The following CFAP206 variants were observed in gnomAD, a reference collection of about 807,000 sequenced individuals.
CFAP206 encodes the protein cilia and flagella associated protein 206.
CFAP206 carries 53 observed loss-of-function variants against 65.4 expected under a neutral mutation model. That is an observed-to-expected ratio of 0.81 (90% CI 0.65 to 1.02). CFAP206 has a LOEUF of 1.02. Among genes scored for constraint, CFAP206 ranks in the 50% least tolerant of loss-of-function variants. The pLI is 0.00. For missense variants in CFAP206, 663 were observed against 753.2 expected (o/e 0.88, Z 1.40); for synonymous variants, 250 against 254.4 (o/e 0.98, Z 0.17).
intron 7 of CFAP206, among the ~76,000 whole-genome samples, chr6:87,420,331 G>A (rs1420763835): frequency 6.6e-6 from 1 of 152,214 alleles, no homozygotes; most frequent in Non-Finnish European, 1.5e-5. Context: ...TAAGGATGTT[G>A]CAGAAGATGT....
At chr6:87,445,508 C>A (rs1768427654) in intron 11 of CFAP206, among the ~76,000 whole-genome samples, 2 of 152,082 alleles carry the variant, frequency 1.3e-5, no homozygotes, top group South Asian at 4.1e-4. Flanking sequence ...CTTCCAGCCC[C>A]ATCCATGTCC....
At chr6:87,449,778 T>C (rs931779069) in intron 11 of CFAP206, among the ~76,000 whole-genome samples, 2 of 152,224 alleles carry the variant, frequency 1.3e-5, no homozygotes, top group African/African-American at 4.8e-5. Context: ...GTAGGTTGTC[T>C]CTTTTCTCTG....
At chr6:87,409,687 A>G (rs911028065) in intron 1 of CFAP206, 148 bp from the exon 2 acceptor site, 5 of 506,058 alleles carry the variant, frequency 9.9e-6, no homozygotes, top group African/African-American at 2.0e-5. Context: ...GAAAAACAGG[A>G]GAGGCCTAGA....
At chr6:87,445,179 T>A (rs902896392) in intron 11 of CFAP206, 5 of 278,638 alleles carry the variant, frequency 1.8e-5, no homozygotes, top group Non-Finnish European at 3.5e-5. Context: ...CCCTTTCTTT[T>A]TTATTTTTAA....
chr6:87,419,600 C>G (rs185175114), intron 7 of CFAP206, among the ~76,000 whole-genome samples: 2 of 152,148 alleles, frequency 1.3e-5, no homozygotes, highest in African/African-American at 2.4e-5. Flanking sequence ...ATGAGATTCT[C>G]GGTTAGTGGA....
chr6:87,408,258 C>T (rs1236626281), intron 1 of CFAP206, among the ~76,000 whole-genome samples, 169 bp downstream of exon 1: 2 of 152,246 alleles, frequency 1.3e-5, no homozygotes, highest in Admixed American at 6.5e-5. Flanking sequence ...GCTGGAACAG[C>T]GGTCCATTCC....
rs188851046 is a variant in CFAP206 at position 87,427,560 on chromosome 6, T to C, written c.960+915T>C. Among the ~76,000 whole-genome samples the C allele has an allele frequency of 8.5e-5, 13 of 152,354 alleles. No individual in the cohort carries two copies. In the East Asian group the frequency reaches 2.1e-3, roughly 25 times the overall value. ...TGTTTAACTTAGATGTGGGGCCTTA[T>C]TGATTTTTTCATTTGTTCTATAAGT... On this transcript the variant is annotated intron_variant, in intron 8 of 12. Coordinates refer to ENST00000369562, the MANE Select transcript of CFAP206 (RefSeq NM_001031743.3).
intron 11 of CFAP206, among the ~76,000 whole-genome samples, chr6:87,459,509 T>G (rs1428573796): frequency 6.6e-6 from 1 of 152,124 alleles, no homozygotes; most frequent in Non-Finnish European, 1.5e-5. Flanking sequence ...GTGTTAAGAG[T>G]AATCTATTCA....
chr6:87,411,079 T>C (rs1767727806), intron 3 of CFAP206, among the ~76,000 whole-genome samples: 1 of 152,226 alleles, frequency 6.6e-6, no homozygotes, highest in Non-Finnish European at 1.5e-5. Flanking sequence ...CTTTTTTCTT[T>C]CTTAGATGAA....
chr6:87,436,583 G>GA (rs1403361308), intron 11 of CFAP206: 2 of 152,972 alleles, frequency 1.3e-5, no homozygotes, highest in Admixed American at 6.5e-5. Flanking sequence ...AGGGTGGGGG[G>GA]AAGTATGGTA....
intron 3 of CFAP206, among the ~76,000 whole-genome samples, chr6:87,411,230 G>A (rs147633389): frequency 2.0e-3 from 294 of 146,588 alleles, no homozygotes; most frequent in African/African-American, 7.6e-3. Flanking sequence ...TAACTAGTTC[G>A]TCATATACTG....
In CFAP206 at chr6:87,426,627, C is replaced by A; in HGVS notation, c.942C>A (p.Val314=). The A allele has an allele frequency of 6.3e-7, 1 of 1,587,390 alleles. No individual in the cohort carries two copies. The highest frequency in any genetic ancestry group is 1.2e-5 in the South Asian group (1 of 85,066). ...LKMTIKSKIA[V]PTSQVFPIFI... ...TGACCATAAAATCAAAGATAGCGGT[C>A]CCAACATCACAAGTCTTTGTAAGTA... The change falls in exon 8 of 13, where the codon GTC becomes GTA. Residue 314 remains valine, a synonymous_variant. Coordinates refer to ENST00000369562, the MANE Select transcript of CFAP206 (RefSeq NM_001031743.3).
chr6:87,447,464 G>A (rs2092648), intron 11 of CFAP206, among the ~76,000 whole-genome samples: 1 of 151,996 alleles, frequency 6.6e-6, no homozygotes, highest in Non-Finnish European at 1.5e-5. Context: ...TTCTGTTTAT[G>A]TGATGAATTA....
At chr6:87,449,596 T>C (rs1361206870) in intron 11 of CFAP206, among the ~76,000 whole-genome samples, 2 of 152,188 alleles carry the variant, frequency 1.3e-5, no homozygotes, top group Non-Finnish European at 2.9e-5. Context: ...TTTTCTTACA[T>C]ACCTGTTGGC....
chr6:87,430,608 G>A (rs1409601567), intron 9 of CFAP206, among the ~76,000 whole-genome samples: 1 of 152,118 alleles, frequency 6.6e-6, no homozygotes, highest in Non-Finnish European at 1.5e-5. Flanking sequence ...ATTGAATGAG[G>A]TCAATATATC....
At chr6:87,437,692 G>A (rs1198882147) in intron 11 of CFAP206, among the ~76,000 whole-genome samples, 2 of 151,624 alleles carry the variant, frequency 1.3e-5, no homozygotes, top group Admixed American at 6.6e-5. Flanking sequence ...GGCTCACTCT[G>A]TAGCCCAGGC....
chr6:87,450,132 A>G lies in CFAP206; in HGVS notation c.1495-10890A>G, dbSNP rs139088927. On this transcript the variant is annotated intron_variant, in intron 11 of 12. Transcript: ENST00000369562. ...TTTGTTGAAAATCAGTTGGCTGTAA[A>G]TGTGTGGATTTATTTCTGGGTTCTG... Among the ~76,000 whole-genome samples, 456 of 152,126 alleles carry G rather than the reference A, an allele frequency of 3.0e-3. 2 individuals are homozygous for G. Among genetic ancestry groups the G allele is most frequent in the African/African-American group, 0.011 (439 of 41,516 alleles).
Position 87,461,215 on chromosome 6 carries a change from C to A in CFAP206, c.1638+50C>A, listed in dbSNP as rs751754365. 4 of 1,275,974 alleles carry A rather than the reference C, an allele frequency of 3.1e-6. No individual in the cohort carries two copies. In the South Asian group the frequency reaches 5.0e-5, roughly 16 times the overall value. The allele number at this position is 1,275,974 out of a possible 1,614,324, so 79.0% of individuals were successfully genotyped here. On this transcript the variant is annotated intron_variant, in intron 12 of 12. Coordinates refer to ENST00000369562, the MANE Select transcript of CFAP206 (RefSeq NM_001031743.3). Reference sequence around the variant, plus strand: ...TATTTATATGTTGGGGAATTTTAATCTATTGTTACTCATAGAGTTGGTAAA... The same window carrying A: ...TATTTATATGTTGGGGAATTTTAATATATTGTTACTCATAGAGTTGGTAAA...
intron 3 of CFAP206, among the ~76,000 whole-genome samples, chr6:87,412,700 C>G (rs1358596534): frequency 6.6e-6 from 1 of 151,778 alleles, no homozygotes; most frequent in Non-Finnish European, 1.5e-5. Context: ...GCTCTGTCCC[C>G]CAAGCTGGGG....
Sources: allele counts gnomAD v4.1 joint callset (sites outside exome capture counted in the v4.1 genomes callset), GRCh38; gene constraint gnomAD v4.1.1; transcripts MANE v1.5; gene names NCBI Gene and HGNC (gene_info 2026-07-23, HGNC 2026-07-21).